Variants in SORCS1 observed in about 807,000 individuals in gnomAD.
SORCS1 encodes the protein VPS10 domain-containing receptor SorCS1.
A neutral mutation model predicts 146.1 loss-of-function variants in SORCS1; 60 were observed. That is an observed-to-expected ratio of 0.41 (90% confidence interval 0.33 to 0.51). SORCS1 has a LOEUF of 0.51. Among genes scored for constraint, SORCS1 ranks in the 20% least tolerant of loss-of-function variants. The pLI is 0.21. For missense variants in SORCS1, 1,352 were observed against 1,487.6 expected (o/e 0.91, Z 1.50); for synonymous variants, 637 against 584.0 (o/e 1.09, Z -1.31).
chr10:107,055,742 G>A (rs1050874570), intron 1 of SORCS1, among the ~76,000 whole-genome samples: 1 of 152,170 alleles, frequency 6.6e-6, no homozygotes, highest in African/African-American at 2.4e-5. Flanking sequence ...ATTAACACCT[G>A]GAGTTACCTT....
intron 1 of SORCS1, among the ~76,000 whole-genome samples, chr10:107,084,569 T>TA (rs1214983219): frequency 4.0e-5 from 6 of 151,824 alleles, no homozygotes; most frequent in Non-Finnish European, 5.9e-5. Context: ...TTTTCTGGCG[T>TA]AAAAAAAATA....
chr10:107,096,796 G>A (rs1964573200), intron 1 of SORCS1, among the ~76,000 whole-genome samples: 1 of 152,112 alleles, frequency 6.6e-6, no homozygotes, highest in Admixed American at 6.6e-5. Flanking sequence ...ACAGGTGTGA[G>A]CCACCGCACC....
chr10:106,763,940 G>A (rs1859345304), intron 4 of SORCS1, among the ~76,000 whole-genome samples: 1 of 152,162 alleles, frequency 6.6e-6, no homozygotes, highest in African/African-American at 2.4e-5. Flanking sequence ...GTGTACGGGT[G>A]CCTCAAACAC....
chr10:107,144,595 C>G (rs888113600), intron 1 of SORCS1, among the ~76,000 whole-genome samples: 11 of 152,222 alleles, frequency 7.2e-5, no homozygotes, highest in African/African-American at 2.7e-4. Context: ...CATGACTCTG[C>G]AGCTAGCTGG....
intron 2 of SORCS1, among the ~76,000 whole-genome samples, chr10:106,836,517 G>A (rs886673573): frequency 1.3e-5 from 2 of 150,188 alleles, no homozygotes; most frequent in African/African-American, 2.4e-5. Flanking sequence ...TGCTGAGTGC[G>A]CACTGGCCAG....
intron 2 of SORCS1, among the ~76,000 whole-genome samples, chr10:106,907,973 T>C (rs924017477): frequency 6.6e-6 from 1 of 152,146 alleles, no homozygotes; most frequent in African/African-American, 2.4e-5. Flanking sequence ...GTTTTATTAA[T>C]AGCCACAGAC....
intron 1 of SORCS1, among the ~76,000 whole-genome samples, chr10:107,068,110 C>T (rs1293093824): frequency 6.6e-6 from 1 of 152,158 alleles, no homozygotes; most frequent in Admixed American, 6.5e-5. Context: ...TACTGAGAGG[C>T]ATGCGAATTG....
chr10:106,988,912 G>A (rs12571141), intron 1 of SORCS1, among the ~76,000 whole-genome samples: 33,669 of 151,786 alleles, frequency 0.22, 4,517 homozygotes, highest in Middle Eastern at 0.33. Flanking sequence ...GATGAGACAA[G>A]GATCAAACGT....
chr10:106,792,404 T>G (rs896182697), intron 3 of SORCS1, among the ~76,000 whole-genome samples: 1 of 152,268 alleles, frequency 6.6e-6, no homozygotes, highest in Admixed American at 6.5e-5. Context: ...AAACTGCTAT[T>G]TCAAAAGATT....
rs201492681 is a variant in SORCS1 at position 107,094,662 on chromosome 10, A to AT, written c.558+69306dup. Among the ~76,000 whole-genome samples the AT allele has an allele frequency of 6.6e-5, 10 of 152,358 alleles. No individual in the cohort carries two copies. In the South Asian group the frequency reaches 1.9e-3, roughly 28 times the overall value. ...GAAATAGAAGTGGCTTTTGTTTAGA[A>AT]TTTTTTTAAAAAAGGCTCCATATAT... is the stretch of plus-strand genomic sequence containing the variant. On this transcript the variant is annotated intron_variant, in intron 1 of 25. Transcript: ENST00000263054.
chr10:106,770,186 G>A (rs1859908124), intron 4 of SORCS1, among the ~76,000 whole-genome samples: 1 of 152,250 alleles, frequency 6.6e-6, no homozygotes, highest in African/African-American at 2.4e-5. Flanking sequence ...TTTGGTATCT[G>A]ACACATATGT....
intron 1 of SORCS1, among the ~76,000 whole-genome samples, chr10:107,070,021 T>C (rs1962279172): frequency 6.6e-6 from 1 of 152,230 alleles, no homozygotes; most frequent in African/African-American, 2.4e-5. Flanking sequence ...CTACTTTCTG[T>C]CTGTATTCTT....
chr10:107,061,336 T>C (rs1247161225), intron 1 of SORCS1, among the ~76,000 whole-genome samples: 1 of 152,178 alleles, frequency 6.6e-6, no homozygotes, highest in East Asian at 1.9e-4. Context: ...AAAAACTACA[T>C]ATCTAATTAA....
rs185203727 is a variant in SORCS1 at position 107,113,605 on chromosome 10, G to T, written c.558+50364C>A. Among the ~76,000 whole-genome samples the T allele has an allele frequency of 2.1e-3, 317 of 150,394 alleles. 3 individuals carry two copies. Among genetic ancestry groups the T allele is most frequent in the African/African-American group, 7.4e-3 (302 of 40,904 alleles). On this transcript the variant is annotated intron_variant, in intron 1 of 25. Transcript: ENST00000263054. Reference sequence around the variant, plus strand: ...CTTGGGAGGCTGAGGCAGGAGAATCGCTTGAACCCGGGAGGCGGAGGTTGC... The same window carrying T: ...CTTGGGAGGCTGAGGCAGGAGAATCTCTTGAACCCGGGAGGCGGAGGTTGC...
intron 21 of SORCS1, among the ~76,000 whole-genome samples, chr10:106,616,722 G>T (rs1240426816): frequency 1.3e-5 from 2 of 152,188 alleles, no homozygotes; most frequent in Non-Finnish European, 2.9e-5. Context: ...ACCCAGCCAT[G>T]AAAGGAATAG....
chr10:106,735,087 A>C (rs1856853709), intron 5 of SORCS1, among the ~76,000 whole-genome samples: 1 of 150,750 alleles, frequency 6.6e-6, no homozygotes, highest in Non-Finnish European at 1.5e-5. Flanking sequence ...TGGAGGTTGC[A>C]GTGAGCCGAG....
intron 1 of SORCS1, among the ~76,000 whole-genome samples, chr10:107,150,788 T>A (rs751203076): frequency 7.2e-5 from 11 of 152,188 alleles, no homozygotes; most frequent in Admixed American, 2.0e-4. Flanking sequence ...CTTTTCCCCG[T>A]CTTCACTCTA....
intron 22 of SORCS1, among the ~76,000 whole-genome samples, chr10:106,610,049 A>G (rs1169391393): frequency 1.3e-5 from 2 of 152,168 alleles, no homozygotes; most frequent in African/African-American, 4.8e-5. Flanking sequence ...AGAAAGGCCT[A>G]TTCCTTTTAG....
At chr10:106,730,210 A>AC (rs1856495147) in intron 5 of SORCS1, 96 bp from the exon 6 acceptor site, 1 of 1,118,614 alleles carries the variant, frequency 8.9e-7, no homozygotes, top group African/African-American at 1.5e-5. Flanking sequence ...ATTAATATCC[A>AC]CAGGCATCTA....
Sources: allele counts gnomAD v4.1 joint callset (sites outside exome capture counted in the v4.1 genomes callset), GRCh38; gene constraint gnomAD v4.1.1; transcripts MANE v1.5; gene names NCBI Gene and HGNC (gene_info 2026-07-23, HGNC 2026-07-21).